The following APOBEC3D variants were observed in gnomAD, a reference collection of about 807,000 sequenced individuals.
APOBEC3D encodes the protein DNA dC->dU-editing enzyme APOBEC-3D.
APOBEC3D carries 37 observed loss-of-function variants against 45.6 expected under a neutral mutation model. The ratio of observed to expected loss-of-function variants is 0.81; its 90% CI spans 0.62 to 1.07. The LOEUF is 1.07. Ranked by LOEUF, APOBEC3D falls within the 50% of genes least tolerant of loss-of-function variation. The probability of loss-of-function intolerance (pLI) is 0.00; values close to 1 mark genes in which losing one functional copy is unlikely to be tolerated. For missense variants in APOBEC3D, 496 were observed against 495.3 expected, an observed-to-expected ratio of 1.00 and a Z score of -0.01; for synonymous variants, 175 against 180.7, an observed-to-expected ratio of 0.97 and a Z score of 0.25.
At chr22:39,030,242 C>A (rs1926076676) in intron 5 of APOBEC3D, among the ~76,000 whole-genome samples, 4 of 147,260 alleles carry the variant, frequency 2.7e-5, no homozygotes, top group African/African-American at 2.6e-5. Context: ...ACCCTGCCGC[C>A]CCCACAGCAG....
intron 5 of APOBEC3D, among the ~76,000 whole-genome samples, chr22:39,030,272 C>A (rs1458778580): frequency 2.9e-5 from 4 of 140,214 alleles, no homozygotes; most frequent in African/African-American, 5.5e-5. Context: ...TCCCACCCAC[C>A]CTGCCGTGTC....
In APOBEC3D at chr22:39,021,386, G is replaced by A. The variant is rs374543231; in HGVS notation, c.-134G>A. On this transcript the variant is annotated 5_prime_UTR_variant, in exon 1 of 7. In the 5' UTR this introduces an upstream ATG that the reference lacks. Coordinates refer to ENST00000216099, the MANE Select transcript of APOBEC3D (RefSeq NM_152426.4). ...CTCCCAAAGTGCTGGGATTACAGGC[G>A]TGAGCCACCGTGCCCGGCCGGGAGG... The A allele has an allele frequency of 3.9e-6, 5 of 1,287,804 alleles. No individual in the cohort carries two copies. The highest frequency in any genetic ancestry group is 1.9e-4 in the Middle Eastern group (1 of 5,382). The allele number at this position is 1,287,804 out of a possible 1,614,324, so 79.8% of individuals were successfully genotyped here. A position where few individuals can be genotyped will look rare whatever the true frequency, so the allele number is the denominator to read the frequency against.
chr22:39,029,876 T>G (rs1364907176), intron 5 of APOBEC3D, among the ~76,000 whole-genome samples: 3 of 152,228 alleles, frequency 2.0e-5, no homozygotes, highest in Admixed American at 6.5e-5. Context: ...CTCCCAACGT[T>G]CTAGGATTAC....
At position 39,029,285 on chromosome 22, in the gene APOBEC3D, G is replaced by T. The variant is rs1460244127; in HGVS notation, c.606-78G>T. 3.9e-6 allele frequency: 6 copies of T among 1,528,484 alleles called. No individual in the cohort carries two copies. In the Admixed American group the frequency reaches 8.6e-5, roughly 22 times the overall value. The allele number at this position is 1,528,484 out of a possible 1,614,324, so 94.7% of individuals were successfully genotyped here. On this transcript the variant is annotated intron_variant, in intron 4 of 6. Transcript: ENST00000216099. The stretch of plus-strand genomic sequence containing the variant: ...GGGATGGGAGAGGCCCAGACTCCAG[G>T]GACGTCCAGGGAGTTGTGTTCAGTG...
At chr22:39,021,646 T>C in intron 1 of APOBEC3D, 110 bp downstream of exon 1, 1 of 1,490,740 alleles carries the variant, frequency 6.7e-7, no homozygotes, top group Non-Finnish European at 9.3e-7. Context: ...CTGGACTTCC[T>C]TCCCTCTGGC....
chr22:39,023,740 C>G (rs187498349), intron 2 of APOBEC3D, among the ~76,000 whole-genome samples: 2 of 152,108 alleles, frequency 1.3e-5, no homozygotes, highest in Non-Finnish European at 2.9e-5. Flanking sequence ...TGAGCCACTG[C>G]GCCTGGCCTC....
intron 2 of APOBEC3D, among the ~76,000 whole-genome samples, chr22:39,023,399 A>G (rs1925318014): frequency 6.6e-6 from 1 of 150,938 alleles, no homozygotes; most frequent in African/African-American, 2.4e-5. Context: ...TACAGGCATA[A>G]GCCACCGTGC....
intron 5 of APOBEC3D, 92 bp from the exon 6 acceptor site, chr22:39,031,602 T>C (rs1164545212): frequency 6.6e-6 from 10 of 1,525,628 alleles, no homozygotes; most frequent in Non-Finnish European, 8.9e-6. Flanking sequence ...CCCTGGGGCT[T>C]CAGGCCTGCC....
chr22:39,023,070 C>T, intron 2 of APOBEC3D, 56 bp downstream of exon 2: 1 of 1,353,566 alleles, frequency 7.4e-7, no homozygotes, highest in Non-Finnish European at 9.6e-7. Flanking sequence ...GGCGGGCTCT[C>T]AACTGTGTAT....
In APOBEC3D at chr22:39,031,928, A is replaced by G; in HGVS notation, c.997A>G (p.Ser333Gly). The G allele has an allele frequency of 6.2e-7, 1 of 1,614,192 alleles. No homozygotes were observed. Among genetic ancestry groups the G allele is most frequent in the Middle Eastern group, 1.6e-4 (1 of 6,062 alleles). The change falls in exon 6 of 7, where the codon AGC becomes GGC. Residue 333 changes from serine (S) to glycine (G), a missense_variant. Coordinates refer to ENST00000216099, the MANE Select transcript of APOBEC3D (RefSeq NM_152426.4). Reference sequence around the variant, plus strand: ...TACAGATTACCAGGAGGGGCTCTGCAGCCTGAGTCAGGAAGGGGCCTCCGT... The same window carrying G: ...TACAGATTACCAGGAGGGGCTCTGCGGCCTGAGTCAGGAAGGGGCCTCCGT... ...WDTDYQEGLC[S>G]LSQEGASVKI...
intron 4 of APOBEC3D, among the ~76,000 whole-genome samples, chr22:39,027,359 G>C (rs1273620586): frequency 6.6e-6 from 1 of 152,156 alleles, no homozygotes; most frequent in African/African-American, 2.4e-5. Flanking sequence ...GGGGGAAGCA[G>C]ACACCTGCCC....
rs371655586 is a variant in APOBEC3D at position 39,031,038 on chromosome 22, C to T, written c.763-656C>T. Among the ~76,000 whole-genome samples, 284 of 152,090 alleles carry T rather than the reference C, an allele frequency of 1.9e-3. 3 individuals are homozygous for T. Among genetic ancestry groups the T allele is most frequent in the African/African-American group, 6.4e-3 (266 of 41,512 alleles). On this transcript the variant is annotated intron_variant, in intron 5 of 6. Coordinates refer to ENST00000216099, the MANE Select transcript of APOBEC3D (RefSeq NM_152426.4). Reference sequence around the variant, plus strand: ...AAAATTAGCCAGGCGTAGGAGTGCGCGACTGTAATCCTAGCTACTCCGGAG... The same window carrying T: ...AAAATTAGCCAGGCGTAGGAGTGCGTGACTGTAATCCTAGCTACTCCGGAG...
chr22:39,029,012 T>G lies in APOBEC3D; in HGVS notation c.606-351T>G, dbSNP rs908776307. On this transcript the variant is annotated intron_variant, in intron 4 of 6. Transcript: ENST00000216099. ...GGACAGGTGAAATGTGAGGAAGGAA[T>G]TGAGCTGAAATGTTCAAGCAATTAT... 3.3e-5 allele frequency among the ~76,000 whole-genome samples: 5 copies of G among 152,140 alleles called. No individual in the cohort carries two copies. The East Asian group carries it at 5.8e-4, about 18-fold the overall frequency.
intron 5 of APOBEC3D, 114 bp downstream of exon 5, chr22:39,029,633 ATTTC>A (rs1440978190): frequency 1.7e-5 from 20 of 1,194,696 alleles, no homozygotes; most frequent in Admixed American, 3.3e-5. Context: ...TTCCTCTTAC[ATTTC>A]TTTCTTTTTT....
Position 39,032,260 on chromosome 22 carries a change from G to T in APOBEC3D, c.1105G>T (p.Gly369Ter). 6.2e-7 allele frequency: 1 copy of T among 1,614,172 alleles called. No homozygotes were observed. The highest frequency in any genetic ancestry group is 8.5e-7 in the Non-Finnish European group (1 of 1,180,034). Residue 369 changes from glycine to a stop codon, truncating the protein, a stop_gained, in exon 7 of 7, where the codon GGA becomes TGA. Coordinates refer to ENST00000216099, the MANE Select transcript of APOBEC3D (RefSeq NM_152426.4). LOFTEE classifies it low-confidence loss of function (END_TRUNC). ...TGATGAGCCATTCAAGCCTTGGAAG[G>T]GACTACAAACCAACTTTCGACTTCT... ...SDDEPFKPWK[G>*]LQTNFRLLKR... is the part of the protein sequence containing the mutation.
At chr22:39,023,282 A>G (rs931007388) in intron 2 of APOBEC3D, among the ~76,000 whole-genome samples, 1 of 151,636 alleles carries the variant, frequency 6.6e-6, no homozygotes, top group African/African-American at 2.4e-5. Flanking sequence ...CGCCCGGCTA[A>G]TTTTTGTATT....
intron 4 of APOBEC3D, among the ~76,000 whole-genome samples, chr22:39,026,940 G>A (rs1238194260): frequency 2.0e-5 from 3 of 151,966 alleles, no homozygotes; most frequent in Admixed American, 6.6e-5. Context: ...TAGTAGAGAC[G>A]GGGTTTTGCA....
intron 6 of APOBEC3D, 106 bp from the exon 7 acceptor site, chr22:39,032,092 G>A (rs1436916660): frequency 5.1e-6 from 8 of 1,581,216 alleles, no homozygotes; most frequent in South Asian, 2.3e-5. Flanking sequence ...TGGGGCCGGC[G>A]CCAGCTGCAA....
Position 39,025,471 on chromosome 22 carries a change from T to A in APOBEC3D, c.491-86T>A, listed in dbSNP as rs770853742. 8.1e-6 allele frequency: 13 copies of A among 1,613,768 alleles called. No individual in the cohort carries two copies. In the South Asian group the frequency reaches 1.3e-4, roughly 16 times the overall value. ...CTGCAGGGGTGGGGCTGGCACTGAT[T>A]GCAACTGACAGCCAGGAGACCAGGC... On this transcript the variant is annotated intron_variant, in intron 3 of 6. Coordinates refer to ENST00000216099, the MANE Select transcript of APOBEC3D (RefSeq NM_152426.4).
Sources: gnomAD v4.1 joint callset for allele counts (sites outside exome capture counted in the v4.1 genomes callset) on GRCh38, gnomAD v4.1.1 for gene constraint, MANE v1.5 for transcripts, NCBI Gene and HGNC (gene_info 2026-07-23, HGNC 2026-07-21) for gene names.